Variants in UHRF1 observed in about 807,000 individuals in gnomAD.
The protein encoded by UHRF1 is E3 ubiquitin-protein ligase UHRF1.
Under a neutral mutation model 96.5 loss-of-function variants are expected in UHRF1, and 9 were observed. That is an observed-to-expected ratio of 0.09 (90% confidence interval 0.06 to 0.16). The LOEUF (loss-of-function observed/expected upper bound fraction) is 0.16. Among genes scored for constraint, UHRF1 ranks in the 10% least tolerant of loss-of-function variants. UHRF1 has a pLI of 1.00. For synonymous variants in UHRF1, 455 were observed against 469.9 expected, an observed-to-expected ratio of 0.97 and a Z score of 0.41; for missense variants, 626 against 1,131.1, an observed-to-expected ratio of 0.55 and a Z score of 6.40.
rs1340656797 is a variant in UHRF1, at chr19:4,911,032, C to T, written c.147C>T (p.Gly49=). ...EPGLQRLFYR[G]KQMEDGHTLF... ...GCCTGCAGAGGCTGTTCTACAGGGG[C>T]AAACAGGTACACCCGCCGCCAGCAC... The change falls in exon 2 of 17, where the codon GGC becomes GGT. Residue 49 remains glycine (G), a synonymous_variant. Coordinates refer to ENST00000650932, the MANE Select transcript of UHRF1 (RefSeq NM_001048201.3). The T allele has an allele frequency of 9.4e-6, 15 of 1,594,290 alleles. No homozygotes were observed. Among genetic ancestry groups the T allele is most frequent in the Non-Finnish European group, 1.2e-5 (14 of 1,168,494 alleles).
chr19:4,913,764 G>A (rs1338806303), intron 2 of UHRF1, among the ~76,000 whole-genome samples: 3 of 149,554 alleles, frequency 2.0e-5, no homozygotes, highest in Non-Finnish European at 4.4e-5. Context: ...CTTCATAACC[G>A]CCTCTTAGTT....
At chr19:4,939,594 G>T (rs118000845) in intron 5 of UHRF1, among the ~76,000 whole-genome samples, 3,380 of 152,242 alleles carry the variant, frequency 0.022, 58 homozygotes, top group Non-Finnish European at 0.031. Flanking sequence ...ATGACCAGGA[G>T]ATGTCACTTG....
chr19:4,927,470 A>G (rs755681797), intron 2 of UHRF1, among the ~76,000 whole-genome samples: 2 of 152,146 alleles, frequency 1.3e-5, no homozygotes, highest in Non-Finnish European at 1.5e-5. Context: ...AAAGAAAGAA[A>G]GCCTGCAGAG....
chr19:4,953,030 C>T (rs1041889009), intron 13 of UHRF1, among the ~76,000 whole-genome samples: 5 of 152,126 alleles, frequency 3.3e-5, no homozygotes, highest in South Asian at 4.1e-4. Flanking sequence ...TCATGGAAAT[C>T]GTAAAGACAA....
chr19:4,954,632 C>G lies in UHRF1; in HGVS notation c.1958-18C>G, dbSNP rs2307207. On this transcript the variant is annotated intron_variant, in intron 14 of 16. Coordinates refer to ENST00000650932, the MANE Select transcript of UHRF1 (RefSeq NM_001048201.3). This position sits in a 1 kb window ranked among gnomAD's most constrained non-coding sequence, Gnocchi z 5.9. ...TCGGGCCACGCGCCCCTCCCTCACG[C>G]GCCCCACCCTCTTCCAGGAGGTGGC... 14,696 of 1,608,596 alleles carry G rather than the reference C, an allele frequency of 9.1e-3. 1,086 individuals are homozygous for G. In the African/African-American group the frequency reaches 0.17, roughly 18 times the overall value.
intron 5 of UHRF1, among the ~76,000 whole-genome samples, chr19:4,934,025 CT>C (rs35115043): frequency 0.011 from 1,369 of 130,062 alleles, 11 homozygotes; most frequent in African/African-American, 0.028. Flanking sequence ...GAAAATTTAC[CT>C]TTTTTTTTTT....
chr19:4,943,495 G>GGGCC (rs2033469497), intron 7 of UHRF1, among the ~76,000 whole-genome samples: 1 of 133,210 alleles, frequency 7.5e-6, no homozygotes, highest in East Asian at 2.3e-4. Flanking sequence ...TTGTTGCCCT[G>GGGCC]CCCCCCCTCC....
At chr19:4,957,740 T>G (rs1044916322) in intron 16 of UHRF1, among the ~76,000 whole-genome samples, 1 of 152,068 alleles carries the variant, frequency 6.6e-6, no homozygotes, top group African/African-American at 2.4e-5. Flanking sequence ...CTGAGCAGCA[T>G]CCCCGGCCCC....
chr19:4,948,238 G>A (rs1041945113), intron 11 of UHRF1, among the ~76,000 whole-genome samples: 3 of 152,090 alleles, frequency 2.0e-5, no homozygotes, highest in Non-Finnish European at 2.9e-5. Context: ...GAGTGAGCAT[G>A]GCTGTGTTTC....
rs910199551 is a variant in UHRF1, at chr19:4,954,325, A to C, written c.1819-25A>C. Reference sequence around the variant, plus strand: ...AGCGTGTGGGCCCCAAGCCTGACTCACGGCTGTCCCTCTTCCTCCTGAAGT... The same window carrying C: ...AGCGTGTGGGCCCCAAGCCTGACTCCCGGCTGTCCCTCTTCCTCCTGAAGT... On this transcript the variant is annotated intron_variant, in intron 13 of 16. Coordinates refer to ENST00000650932, the MANE Select transcript of UHRF1 (RefSeq NM_001048201.3). This position sits in a 1 kb window ranked among gnomAD's most constrained non-coding sequence, Gnocchi z 5.9. The C allele has an allele frequency of 1.2e-6, 2 of 1,607,934 alleles. No individual in the cohort carries two copies. Among genetic ancestry groups the C allele is most frequent in the Non-Finnish European group, 1.7e-6 (2 of 1,178,130 alleles).
chr19:4,920,063 C>T (rs951316979), intron 2 of UHRF1, among the ~76,000 whole-genome samples: 24 of 152,146 alleles, frequency 1.6e-4, no homozygotes, highest in African/African-American at 5.6e-4. Flanking sequence ...CTGATCCGTC[C>T]GCCTTGGCCT....
At chr19:4,942,877 G>A (rs940471764) in intron 7 of UHRF1, among the ~76,000 whole-genome samples, 2 of 152,168 alleles carry the variant, frequency 1.3e-5, no homozygotes, top group Admixed American at 1.3e-4. Flanking sequence ...GGTCGAGGGT[G>A]CAGTGAACTG....
intron 15 of UHRF1, 43 bp from the exon 16 acceptor site, chr19:4,956,666 T>A: frequency 7.7e-7 from 1 of 1,307,080 alleles, no homozygotes; most frequent in Admixed American, 1.9e-5. Context: ...GTGGGAGCCC[T>A]GGTCCCGGTG....
chr19:4,952,282 C>CG (rs1416403872), intron 13 of UHRF1, among the ~76,000 whole-genome samples: 3 of 151,418 alleles, frequency 2.0e-5, no homozygotes, highest in African/African-American at 7.3e-5. Flanking sequence ...TTAGTAGAGA[C>CG]GGGGTTTCAC....
chr19:4,905,850 A>G (rs182589035), upstream of UHRF1, among the ~76,000 whole-genome samples: 31 of 152,258 alleles, frequency 2.0e-4, no homozygotes, highest in East Asian at 5.8e-3. Flanking sequence ...GCCCAAGACA[A>G]TTCTTCTTCC....
At chr19:4,938,730 GTTTTTTTTTTTTTTTTTTT>G (rs71170880) in intron 5 of UHRF1, among the ~76,000 whole-genome samples, 1 of 61,566 alleles carries the variant, frequency 1.6e-5, no homozygotes, top group South Asian at 6.8e-4. Flanking sequence ...TTTTGGTCAG[GTTTTTTTTTTTTTTTTTTT>G]TTTTTTTTTT....
In UHRF1 at chr19:4,927,102, C is replaced by T. The variant is rs145701401; in HGVS notation, c.154-2120C>T. On this transcript the variant is annotated intron_variant, in intron 2 of 16. Coordinates refer to ENST00000650932, the MANE Select transcript of UHRF1 (RefSeq NM_001048201.3). ...CAAAACAAAACAAAAAAAAACAGGC[C>T]GGGTACTGTGGTTCATGCTGTAATC... is the stretch of plus-strand genomic sequence containing the variant. Among the ~76,000 whole-genome samples the T allele has an allele frequency of 2.8e-3, 428 of 151,644 alleles. 1 individual carries two copies. Among genetic ancestry groups the T allele is most frequent in the Non-Finnish European group, 4.0e-3 (271 of 67,826 alleles).
chr19:4,949,138 A>C (rs528799014), intron 11 of UHRF1, among the ~76,000 whole-genome samples: 1 of 151,928 alleles, frequency 6.6e-6, no homozygotes, highest in Admixed American at 6.6e-5. Flanking sequence ...AAAAAAAGAG[A>C]ATATGGAAAT....
At chr19:4,916,195 A>G (rs1009248036) in intron 2 of UHRF1, among the ~76,000 whole-genome samples, 2 of 151,880 alleles carry the variant, frequency 1.3e-5, no homozygotes, top group African/African-American at 4.8e-5. Flanking sequence ...AGTCCTAGCT[A>G]CTCGGGAGGC....
Sources: gnomAD v4.1 joint callset for allele counts (sites outside exome capture counted in the v4.1 genomes callset) on GRCh38, gnomAD v4.1.1 for gene constraint, Gnocchi (gnomAD v3.1) non-coding constraint, MANE v1.5 for transcripts, NCBI Gene and HGNC (gene_info 2026-07-23, HGNC 2026-07-21) for gene names.